The following ATF7IP2 variants were observed in gnomAD, a reference collection of about 807,000 sequenced individuals.
ATF7IP2 encodes the protein activating transcription factor 7-interacting protein 2.
Under a neutral mutation model 64.2 loss-of-function variants are expected in ATF7IP2, and 42 were observed. The observed-to-expected ratio is 0.65, with a 90% confidence interval of 0.51 to 0.85. The LOEUF is 0.85. ATF7IP2 is among the 40% of genes least tolerant of loss of function. The pLI is 0.00. For synonymous variants in ATF7IP2, 308 were observed against 272.8 expected (o/e 1.13, Z -1.27); for missense variants, 933 against 784.2 (o/e 1.19, Z -2.27).
intron 1 of ATF7IP2, among the ~76,000 whole-genome samples, chr16:10,413,433 C>CA (rs2047811141): frequency 6.6e-6 from 1 of 152,212 alleles, no homozygotes; most frequent in East Asian, 1.9e-4. Context: ...GAGACATCCC[C>CA]AGCCATGTGG....
At chr16:10,458,677 A>G (rs2049264877) in intron 9 of ATF7IP2, among the ~76,000 whole-genome samples, 1 of 152,220 alleles carries the variant, frequency 6.6e-6, no homozygotes, top group Non-Finnish European at 1.5e-5. Flanking sequence ...AAAGAATAGA[A>G]AAAAAGGGAA....
chr16:10,452,089 G>GTTA (rs992964474), intron 8 of ATF7IP2, among the ~76,000 whole-genome samples: 1 of 152,000 alleles, frequency 6.6e-6, no homozygotes, highest in Non-Finnish European at 1.5e-5. Flanking sequence ...ATTGGAGTTT[G>GTTA]TTATTACCCA....
At chr16:10,422,574 C>T (rs537161672) in intron 3 of ATF7IP2, among the ~76,000 whole-genome samples, 3 of 152,158 alleles carry the variant, frequency 2.0e-5, no homozygotes, top group South Asian at 2.1e-4. Context: ...AGGGGCTTTA[C>T]GAACTTCAGC....
chr16:10,411,097 G>GT (rs1413778413), intron 1 of ATF7IP2, among the ~76,000 whole-genome samples: 1 of 152,176 alleles, frequency 6.6e-6, no homozygotes, highest in Non-Finnish European at 1.5e-5. Flanking sequence ...TTTTTGATAT[G>GT]TTGTTGGTTC....
At chr16:10,391,114 G>T (rs1018548688) in intron 1 of ATF7IP2, among the ~76,000 whole-genome samples, 1 of 151,284 alleles carries the variant, frequency 6.6e-6, no homozygotes. Flanking sequence ...CTATGATCGC[G>T]CCATTGCATT....
chr16:10,389,065 G>T (rs1373550271), intron 1 of ATF7IP2, among the ~76,000 whole-genome samples: 4 of 151,982 alleles, frequency 2.6e-5, no homozygotes, highest in African/African-American at 4.8e-5. Flanking sequence ...TAGTTCTCTC[G>T]GGGCTGTTTT....
intron 6 of ATF7IP2, among the ~76,000 whole-genome samples, chr16:10,435,031 G>T (rs1410067676): frequency 6.6e-6 from 1 of 152,176 alleles, no homozygotes; most frequent in African/African-American, 2.4e-5. Flanking sequence ...GCCTCCCAAA[G>T]TGCTGGGATT....
rs141224399 is a variant in ATF7IP2 at position 10,434,381 on chromosome 16, G to A, written c.960+732G>A. Among the ~76,000 whole-genome samples the A allele has an allele frequency of 4.6e-3, 693 of 152,252 alleles. 7 individuals carry two copies. The highest frequency in any genetic ancestry group is 6.3e-3 in the Admixed American group (96 of 15,294). On this transcript the variant is annotated intron_variant, in intron 6 of 13. Transcript: ENST00000562102. ...CACCACTACAAATCATTACCTAGTA[G>A]ACTAATGTCTTCCAGCTGTAATGGA...
At chr16:10,470,845 GTA>G (rs568641530) in intron 9 of ATF7IP2, among the ~76,000 whole-genome samples, 36 of 131,512 alleles carry the variant, frequency 2.7e-4, no homozygotes, top group African/African-American at 6.7e-4. Context: ...ATATGTGTGT[GTA>G]TATATATGTG....
chr16:10,466,135 T>G (rs2049560831), intron 9 of ATF7IP2, among the ~76,000 whole-genome samples: 1 of 152,238 alleles, frequency 6.6e-6, no homozygotes, highest in African/African-American at 2.4e-5. Flanking sequence ...TTATGTCTTC[T>G]TTCATCCCAC....
intron 9 of ATF7IP2, among the ~76,000 whole-genome samples, chr16:10,460,832 G>T (rs1025729416): frequency 2.6e-5 from 4 of 152,236 alleles, no homozygotes; most frequent in African/African-American, 9.6e-5. Context: ...AAGAAAAATT[G>T]ATTAATTTTA....
chr16:10,412,015 T>TTTTTTTTTTTTTTTTTTTTTTTTTTC, intron 1 of ATF7IP2, among the ~76,000 whole-genome samples: 1 of 143,054 alleles, frequency 7.0e-6, no homozygotes, highest in Non-Finnish European at 1.5e-5. Context: ...TTTTTGTTTT[T>TTTTTTTTTTTTTTTTTTTTTTTTTTC]TTTTTTTTTT....
chr16:10,403,161 T>G, intron 1 of ATF7IP2, among the ~76,000 whole-genome samples: 1 of 152,210 alleles, frequency 6.6e-6, no homozygotes, highest in Non-Finnish European at 1.5e-5. Context: ...AGCTGGCTCT[T>G]AACTGTAAGT....
Position 10,433,541 on chromosome 16 carries a change from G to A in ATF7IP2, c.852G>A (p.Lys284=), listed in dbSNP as rs746766010. ...CTCCTCAAGGCCATTATCAAAAGAA[G>A]AGGATGTTTTCAGAAAACGAGGAAA... ...DTNNNSHYQK[K]RMFSENEENV... is the part of the protein sequence containing the mutation. The change falls in exon 6 of 14, where the codon AAG becomes AAA. Residue 284 remains lysine, a synonymous_variant. Coordinates refer to ENST00000562102, the MANE Select transcript of ATF7IP2 (RefSeq NM_001393719.1). 8 of 1,612,718 alleles carry A rather than the reference G, an allele frequency of 5.0e-6. No individual in the cohort carries two copies. The highest frequency in any genetic ancestry group is 4.5e-5 in the East Asian group (2 of 44,842).
intron 6 of ATF7IP2, among the ~76,000 whole-genome samples, chr16:10,435,029 A>C (rs575026189): frequency 6.6e-6 from 1 of 152,298 alleles, no homozygotes; most frequent in Admixed American, 6.5e-5. Flanking sequence ...CGGCCTCCCA[A>C]AGTGCTGGGA....
chr16:10,448,626 T>C, intron 8 of ATF7IP2: 1 of 152,226 alleles, frequency 6.6e-6, no homozygotes, highest in East Asian at 1.9e-4. Flanking sequence ...GAGACTTTGC[T>C]GAAGTTGCTT....
chr16:10,472,016 A>G (rs888724994), intron 9 of ATF7IP2, 94 bp from the exon 10 acceptor site: 3 of 527,310 alleles, frequency 5.7e-6, no homozygotes, highest in Admixed American at 3.4e-5. Context: ...ACATTATGAA[A>G]TGTTAAGTTA....
At chr16:10,440,541 C>T in intron 8 of ATF7IP2, 79 bp downstream of exon 8, 1 of 833,770 alleles carries the variant, frequency 1.2e-6, no homozygotes, top group Non-Finnish European at 1.9e-6. Context: ...GAATATATTT[C>T]CAGGCTAGGA....
intron 1 of ATF7IP2, among the ~76,000 whole-genome samples, chr16:10,390,463 T>C (rs2047300123): frequency 1.3e-5 from 2 of 152,072 alleles, no homozygotes; most frequent in South Asian, 4.1e-4. Context: ...AGAGGAAAAT[T>C]TACAGCTTTA....
Sources: gnomAD v4.1 joint callset for allele counts (sites outside exome capture counted in the v4.1 genomes callset) on GRCh38, gnomAD v4.1.1 for gene constraint, MANE v1.5 for transcripts, NCBI Gene and HGNC (gene_info 2026-07-23, HGNC 2026-07-21) for gene names.